The following POU6F2 variants were observed in gnomAD, a reference collection of about 807,000 sequenced individuals.
The protein encoded by POU6F2 is POU class 6 homeobox 2.
POU6F2 carries 31 observed loss-of-function variants against 71.3 expected under a neutral mutation model. The ratio of observed to expected loss-of-function variants is 0.43; its 90% CI spans 0.33 to 0.59. The LOEUF (loss-of-function observed/expected upper bound fraction) is 0.59, where lower values mean the gene tolerates loss of function less well. Ranked by LOEUF, POU6F2 falls within the 20% of genes least tolerant of loss-of-function variation. The pLI, the probability that POU6F2 is intolerant of heterozygous loss-of-function variation, is 0.04. For synonymous variants in POU6F2, 347 were observed against 355.7 expected (o/e 0.98, Z 0.27); for missense variants, 783 against 856.8 (o/e 0.91, Z 1.07).
chr7:39,319,338 G>T (rs968305433), intron 4 of POU6F2, among the ~76,000 whole-genome samples: 1 of 152,136 alleles, frequency 6.6e-6, no homozygotes, highest in African/African-American at 2.4e-5. Flanking sequence ...GGTTCCTACT[G>T]ATGGGCACTA....
chr7:39,066,411 G>T (rs1790753730), intron 1 of POU6F2, among the ~76,000 whole-genome samples: 1 of 151,720 alleles, frequency 6.6e-6, no homozygotes, highest in South Asian at 2.1e-4. Context: ...AGTGAAAAGG[G>T]GACATCTATT....
At chr7:39,012,935 A>T (rs1454122059) in intron 1 of POU6F2, 2 of 152,246 alleles carry the variant, frequency 1.3e-5, no homozygotes, top group Non-Finnish European at 2.9e-5. Flanking sequence ...CAAAGCTGTC[A>T]GACAGGGACA....
At chr7:39,404,826 T>A (rs1787385819) in intron 5 of POU6F2, 1 of 152,138 alleles carries the variant, frequency 6.6e-6, no homozygotes, top group Non-Finnish European at 1.5e-5. Flanking sequence ...TGAACTCTTC[T>A]CACTTTAGGT....
chr7:39,056,790 T>C (rs1420047969), intron 1 of POU6F2, among the ~76,000 whole-genome samples: 1 of 151,864 alleles, frequency 6.6e-6, no homozygotes, highest in Non-Finnish European at 1.5e-5. Context: ...TGTGGGTATT[T>C]ATTTAGACTT....
intron 4 of POU6F2, among the ~76,000 whole-genome samples, chr7:39,300,163 A>T (rs1784926922): frequency 6.6e-6 from 1 of 152,234 alleles, no homozygotes; most frequent in African/African-American, 2.4e-5. Context: ...TCCTTCACAA[A>T]AATGTTACAA....
At chr7:39,101,445 GA>G (rs1791570399) in intron 2 of POU6F2, among the ~76,000 whole-genome samples, 1 of 140,068 alleles carries the variant, frequency 7.1e-6, no homozygotes, top group Non-Finnish European at 1.6e-5. Context: ...TTCTAGGCAA[GA>G]TTTTTTTTTT....
At chr7:39,346,773 T>C (rs1786041198) in intron 5 of POU6F2, among the ~76,000 whole-genome samples, 1 of 152,242 alleles carries the variant, frequency 6.6e-6, no homozygotes, top group South Asian at 2.1e-4. Context: ...TGATCACAAG[T>C]TATTTCTCAT....
chr7:39,225,729 A>T (rs907290125), intron 4 of POU6F2, among the ~76,000 whole-genome samples: 2 of 152,200 alleles, frequency 1.3e-5, no homozygotes, highest in Non-Finnish European at 2.9e-5. Flanking sequence ...AAACTAAATG[A>T]TATAGCCACA....
intron 2 of POU6F2, among the ~76,000 whole-genome samples, chr7:39,167,678 T>C (rs1338101440): frequency 6.6e-6 from 1 of 152,102 alleles, no homozygotes; most frequent in African/African-American, 2.4e-5. Flanking sequence ...TTGTATTTCT[T>C]TTACAAATTG....
At chr7:39,260,539 G>A (rs867475945) in intron 4 of POU6F2, among the ~76,000 whole-genome samples, 3 of 119,474 alleles carry the variant, frequency 2.5e-5, no homozygotes, top group South Asian at 2.9e-4. Flanking sequence ...CACATACCAC[G>A]TTCCACACAC....
intron 5 of POU6F2, among the ~76,000 whole-genome samples, chr7:39,405,413 C>G (rs1230285673): frequency 3.3e-5 from 5 of 151,994 alleles, no homozygotes; most frequent in Admixed American, 1.3e-4. Flanking sequence ...GAAGAGCTTC[C>G]AAGACTTGAA....
chr7:39,274,455 G>A (rs557512675), intron 4 of POU6F2, among the ~76,000 whole-genome samples: 71 of 127,428 alleles, frequency 5.6e-4, no homozygotes, highest in South Asian at 1.4e-3. Flanking sequence ...ATTCACAGCC[G>A]AATTCTACCA....
intron 1 of POU6F2, among the ~76,000 whole-genome samples, chr7:39,011,025 A>G (rs1344040653): frequency 1.4e-5 from 2 of 137,966 alleles, no homozygotes; most frequent in South Asian, 2.7e-4. Flanking sequence ...AGAGTTCTGT[A>G]GATGTCTATT....
intron 1 of POU6F2, among the ~76,000 whole-genome samples, chr7:38,988,600 C>T (rs368545665): frequency 6.6e-6 from 1 of 152,092 alleles, no homozygotes; most frequent in East Asian, 1.9e-4. Flanking sequence ...CAAAAAACAA[C>T]AGTAGTAATA....
At position 39,320,879 on chromosome 7, in the gene POU6F2, AC is replaced by A. The variant is rs546709061; in HGVS notation, c.599-18759del. ...AGACCAGCCTGGCCAACATAGTGAG[AC>A]CCCATCTCAACCAAAAATTTAAAAA... is the stretch of plus-strand genomic sequence containing the variant. On this transcript the variant is annotated intron_variant, in intron 4 of 9. Coordinates refer to ENST00000518318, the MANE Select transcript of POU6F2 (RefSeq NM_001370959.1). 3.9e-5 allele frequency among the ~76,000 whole-genome samples: 6 copies of A among 152,118 alleles called. No individual in the cohort carries two copies. In the East Asian group the frequency reaches 1.2e-3, roughly 30 times the overall value.
intron 5 of POU6F2, among the ~76,000 whole-genome samples, chr7:39,368,192 T>C (rs542469454): frequency 6.6e-6 from 1 of 152,242 alleles, no homozygotes; most frequent in Admixed American, 6.5e-5. Context: ...AAACTAGGCC[T>C]CTTGTACCAG....
intron 2 of POU6F2, among the ~76,000 whole-genome samples, chr7:39,098,630 G>A (rs1178275237): frequency 1.3e-5 from 2 of 152,176 alleles, no homozygotes; most frequent in East Asian, 3.9e-4. Context: ...GTCAGGTTGT[G>A]TGGGCTTGAG....
intron 6 of POU6F2, among the ~76,000 whole-genome samples, chr7:39,411,831 T>C (rs540166328): frequency 1.8e-4 from 27 of 152,268 alleles, no homozygotes; most frequent in African/African-American, 6.0e-4. Flanking sequence ...TCAACTCTAT[T>C]CAAAAGCTCT....
At chr7:39,035,855 C>T (rs1341458017) in intron 1 of POU6F2, among the ~76,000 whole-genome samples, 3 of 152,038 alleles carry the variant, frequency 2.0e-5, no homozygotes, top group Admixed American at 6.6e-5. Context: ...ACCAGTGACC[C>T]GTGGCAGAAG....
Sources: gnomAD v4.1 joint callset for allele counts (sites outside exome capture counted in the v4.1 genomes callset) on GRCh38, gnomAD v4.1.1 for gene constraint, MANE v1.5 for transcripts, NCBI Gene and HGNC (gene_info 2026-07-23, HGNC 2026-07-21) for gene names.